The following UBE4B variants were observed in gnomAD, a reference collection of about 807,000 sequenced individuals.
The protein encoded by UBE4B is ubiquitination factor E4B, also known as ubiquitin conjugation factor E4 B.
UBE4B carries 27 observed loss-of-function variants against 148.1 expected under a neutral mutation model. The observed-to-expected ratio is 0.18, with a 90% CI of 0.13 to 0.25. UBE4B has a LOEUF of 0.25. Ranked by LOEUF, UBE4B falls within the 10% of genes least tolerant of loss-of-function variation. The probability of loss-of-function intolerance (pLI) is 1.00; values close to 1 mark genes in which losing one functional copy is unlikely to be tolerated. For synonymous variants in UBE4B, 596 were observed against 619.3 expected (o/e 0.96, Z 0.56); for missense variants, 1,170 against 1,662.4 (o/e 0.70, Z 5.15).
In UBE4B at chr1:10,122,000, T is replaced by A; in HGVS notation, c.1478T>A (p.Leu493Gln). The A allele has an allele frequency of 3.1e-6, 5 of 1,613,704 alleles. No individual in the cohort carries two copies. Among genetic ancestry groups the A allele is most frequent in the Non-Finnish European group, 4.2e-6 (5 of 1,179,814 alleles). The change falls in exon 10 of 28, where the codon CTG (leucine) becomes CAG (glutamine). Residue 493 changes from leucine to glutamine, a missense_variant. By Grantham distance (113) the Leu-to-Gln change is moderately radical. Around this residue, in one of 6 missense-constraint regions of UBE4B, gnomAD observed 388 missense variants for 536.0 expected, o/e 0.72. Transcript: ENST00000343090. ...CCGTCCTTCCTAGTGCCGTATATGCTGTGTAGGAATCTCCCATATGGCTTC... is the reference window on the plus strand; with the variant it reads ...CCGTCCTTCCTAGTGCCGTATATGCAGTGTAGGAATCTCCCATATGGCTTC... The part of the protein sequence containing the change: ...QQPSFLVPYM[L>Q]CRNLPYGFIQ...
chr1:10,130,697 T>C lies in UBE4B; in HGVS notation c.1813-18T>C. On this transcript the variant is annotated intron_variant, in intron 13 of 27. Transcript: ENST00000343090. ...ATGTGCATTATATGTTGACTGCATT[T>C]TTTCCTTCTCTTTCCAGGTTAAAGT... The C allele has an allele frequency of 6.2e-7, 1 of 1,613,856 alleles. No homozygotes were observed. The highest frequency in any genetic ancestry group is 8.5e-7 in the Non-Finnish European group (1 of 1,179,730).
intron 7 of UBE4B, among the ~76,000 whole-genome samples, chr1:10,116,533 C>A (rs1645312478): frequency 6.6e-6 from 1 of 152,078 alleles, no homozygotes; most frequent in Non-Finnish European, 1.5e-5. Flanking sequence ...CTTACTTTTT[C>A]CTGTCGTAAT....
chr1:10,060,220 G>A (rs973043126), intron 1 of UBE4B, among the ~76,000 whole-genome samples: 2 of 152,112 alleles, frequency 1.3e-5, no homozygotes, highest in African/African-American at 4.8e-5. Context: ...GAACACTATA[G>A]GGTATAGTTA....
intron 23 of UBE4B, among the ~76,000 whole-genome samples, chr1:10,166,960 CACACACACACA>C (rs1646257751): frequency 7.1e-6 from 1 of 140,544 alleles, no homozygotes; most frequent in East Asian, 2.2e-4. Context: ...CACACACACA[CACACACACACA>C]AAAAAAAAAA....
intron 21 of UBE4B, among the ~76,000 whole-genome samples, chr1:10,153,490 TAAAAAAAAA>T (rs1045427991): frequency 8.1e-5 from 4 of 49,200 alleles, no homozygotes; most frequent in South Asian, 1.6e-3. Flanking sequence ...ACCCTGTTTC[TAAAAAAAAA>T]AAAAAAAAAA....
In UBE4B at chr1:10,130,545, T is replaced by C. The variant is rs1243402312; in HGVS notation, c.1741T>C (p.Cys581Arg). ...GTTGCCGAAATCCTTAAGTCCTGGC[T>C]GTGGGCGGGAGCTGCAGAGACTCTC... is the stretch of plus-strand genomic sequence containing the variant. ...LWLPKSLSPG[C>R]GRELQRLSYL... The change falls in exon 13 of 28, where the codon TGT (cysteine) becomes CGT (arginine). Residue 581 changes from cysteine to arginine, a missense_variant. Cys to Arg is a radical substitution (Grantham distance 180, BLOSUM62 -3). Transcript: ENST00000343090. 3.7e-6 allele frequency: 6 copies of C among 1,614,102 alleles called. No homozygotes were observed. The highest frequency in any genetic ancestry group is 1.3e-5 in the African/African-American group (1 of 74,934).
intron 1 of UBE4B, among the ~76,000 whole-genome samples, chr1:10,067,985 C>T (rs1045014960): frequency 1.3e-5 from 2 of 151,936 alleles, no homozygotes; most frequent in African/African-American, 4.8e-5. Flanking sequence ...ACCTCAGCCT[C>T]CCAAAGTGCT....
chr1:10,051,819 G>A (rs1247000992), intron 1 of UBE4B, among the ~76,000 whole-genome samples: 1 of 152,106 alleles, frequency 6.6e-6, no homozygotes, highest in Non-Finnish European at 1.5e-5. Flanking sequence ...TGAAAGAATT[G>A]TACCCCTCCC....
chr1:10,088,653 G>A (rs1207117481), intron 2 of UBE4B, among the ~76,000 whole-genome samples: 2 of 151,956 alleles, frequency 1.3e-5, no homozygotes, highest in Non-Finnish European at 2.9e-5. Flanking sequence ...TTACAGGTGT[G>A]AGCCACCACG....
intron 2 of UBE4B, 77 bp from the exon 3 acceptor site, chr1:10,095,384 G>A (rs982691284): frequency 1.0e-5 from 16 of 1,564,060 alleles, no homozygotes; most frequent in Middle Eastern, 1.7e-4. Context: ...CAGATTGTGC[G>A]TGTTTACTGT....
chr1:10,117,703 T>C, intron 8 of UBE4B, 103 bp downstream of exon 8: 1 of 1,362,990 alleles, frequency 7.3e-7, no homozygotes, highest in Non-Finnish European at 9.7e-7. Context: ...GTAAAGCAAT[T>C]ATTGAGCATT....
At chr1:10,130,051 T>G (rs1310433272) in intron 12 of UBE4B, among the ~76,000 whole-genome samples, 2 of 151,968 alleles carry the variant, frequency 1.3e-5, no homozygotes, top group African/African-American at 2.4e-5. Flanking sequence ...TCATTTGAAC[T>G]TCATCCAATA....
rs377739532 is a variant in UBE4B at position 10,179,890 on chromosome 1, C to T, written c.3848-5C>T. 59 of 1,612,404 alleles carry T rather than the reference C, an allele frequency of 3.7e-5. No homozygotes were observed. The Middle Eastern group carries it at 6.6e-4, about 18-fold the overall frequency. On this transcript the variant is annotated splice_polypyrimidine_tract_variant and splice_region_variant and intron_variant, in intron 27 of 27. Coordinates refer to ENST00000343090, the MANE Select transcript of UBE4B (RefSeq NM_001105562.3). ...GCATTAATCCTCCTTTTTTTCTTTT[C>T]TCAGTGCCAGAACTGAAAGAGCAGA...
chr1:10,096,260 C>T (rs1027587601), intron 3 of UBE4B, among the ~76,000 whole-genome samples: 3 of 152,122 alleles, frequency 2.0e-5, no homozygotes, highest in Non-Finnish European at 4.4e-5. Flanking sequence ...CTATTTGCTT[C>T]GTACGGATCA....
chr1:10,152,208 G>A (rs1002567840), intron 21 of UBE4B, among the ~76,000 whole-genome samples: 7 of 151,294 alleles, frequency 4.6e-5, no homozygotes, highest in Non-Finnish European at 7.4e-5. Context: ...GCAGTGAGCC[G>A]AGATCCCGCC....
intron 1 of UBE4B, chr1:10,054,388 A>T (rs1013500265): frequency 8.9e-6 from 2 of 225,826 alleles, no homozygotes; most frequent in African/African-American, 4.7e-5. Flanking sequence ...CTTCTACTCA[A>T]TGAAGAGAAA....
chr1:10,179,191 G>A (rs539635467), intron 26 of UBE4B: 260 of 573,604 alleles, frequency 4.5e-4, no homozygotes, highest in Non-Finnish European at 6.8e-4. Context: ...TTTCTTCTCT[G>A]TTCCCTCCCC....
intron 25 of UBE4B, among the ~76,000 whole-genome samples, chr1:10,175,396 A>G (rs1019634009): frequency 1.3e-5 from 2 of 152,186 alleles, no homozygotes; most frequent in Non-Finnish European, 2.9e-5. Flanking sequence ...TCACGCCTGT[A>G]ATCCCAGCAC....
At chr1:10,081,618 C>T (rs942214991) in intron 2 of UBE4B, among the ~76,000 whole-genome samples, 1 of 151,196 alleles carries the variant, frequency 6.6e-6, no homozygotes, top group Non-Finnish European at 1.5e-5. Context: ...GTTGGAGTTT[C>T]GCTCTTGTCA....
Sources: allele counts gnomAD v4.1 joint callset (sites outside exome capture counted in the v4.1 genomes callset), GRCh38; gene constraint gnomAD v4.1.1; regional missense constraint gnomAD v4.1.1; transcripts MANE v1.5; gene names NCBI Gene and HGNC (gene_info 2026-07-23, HGNC 2026-07-21).